Variants in PCDHGA10 observed in about 807,000 individuals in gnomAD.
PCDHGA10 encodes the protein protocadherin gamma-A10.
PCDHGA10 carries 42 observed loss-of-function variants against 59.5 expected under a neutral mutation model. The observed-to-expected ratio is 0.71, with a 90% CI of 0.55 to 0.91. The LOEUF is 0.91. PCDHGA10 is among the 40% of genes least tolerant of loss of function. The pLI, the probability that PCDHGA10 is intolerant of heterozygous loss-of-function variation, is 0.00. For missense variants in PCDHGA10, 1,111 were observed against 1,198.2 expected, an observed-to-expected ratio of 0.93 and a Z score of 1.07; for synonymous variants, 511 against 517.2, an observed-to-expected ratio of 0.99 and a Z score of 0.16.
intron 3 of PCDHGA10, 124 bp from the exon 4 acceptor site, chr5:141,510,823 C>A: frequency 6.4e-7 from 1 of 1,562,432 alleles, no homozygotes. Context: ...CCTATATTCC[C>A]AGTGCTCAGC....
rs753872678 is a variant in PCDHGA10, at chr5:141,431,407, C to G, written c.2436+15796C>G. 4 of 1,613,716 alleles carry G rather than the reference C, an allele frequency of 2.5e-6. No individual in the cohort carries two copies. Among genetic ancestry groups the G allele is most frequent in the Non-Finnish European group, 3.4e-6 (4 of 1,180,048 alleles). The stretch of plus-strand genomic sequence containing the variant: ...ACCACCTGGTCCTTACGGCCTCCGA[C>G]GGGGGCGACCCGGTGCGCACAGGCA... On this transcript the variant is annotated intron_variant, in intron 1 of 3. Coordinates refer to ENST00000398610, the MANE Select transcript of PCDHGA10 (RefSeq NM_018913.3). This position sits in a 1 kb window ranked among gnomAD's most constrained non-coding sequence, Gnocchi z 4.8.
In PCDHGA10 at chr5:141,505,471, G is replaced by A. The variant is rs766596231; in HGVS notation, c.2574G>A (p.Ala858=). The A allele has an allele frequency of 3.4e-5, 55 of 1,614,244 alleles. No individual in the cohort carries two copies. The highest frequency in any genetic ancestry group is 1.1e-4 in the East Asian group (5 of 44,880). ...AGATGCTGCAAGCCATGATCTTGGCGTCCGCCAGTGGTAAGTGGTGTCAGT... is the reference window on the plus strand; with the variant it reads ...AGATGCTGCAAGCCATGATCTTGGCATCCGCCAGTGGTAAGTGGTGTCAGT... ...DTEMLQAMIL[A]SASEAADGSS... Residue 858 remains alanine (A), a synonymous_variant, in exon 3 of 4, where the codon GCG becomes GCA. Coordinates refer to ENST00000398610, the MANE Select transcript of PCDHGA10 (RefSeq NM_018913.3).
intron 1 of PCDHGA10, among the ~76,000 whole-genome samples, chr5:141,457,224 A>G (rs1176186371): frequency 6.6e-6 from 1 of 152,158 alleles, no homozygotes; most frequent in African/African-American, 2.4e-5. Flanking sequence ...GTGGTAGGTA[A>G]TTTCCATCTA....
At chr5:141,421,271 T>G in intron 1 of PCDHGA10, 1 of 1,612,330 alleles carries the variant, frequency 6.2e-7, no homozygotes, top group Non-Finnish European at 8.5e-7. Context: ...CGGCTGCTGC[T>G]GCTGCTGTGC....
At chr5:141,421,828 C>T in intron 1 of PCDHGA10, 1 of 1,613,796 alleles carries the variant, frequency 6.2e-7, no homozygotes, top group Non-Finnish European at 8.5e-7. Context: ...GGAGGGAAGC[C>T]TGGACCGAGA....
intron 1 of PCDHGA10, among the ~76,000 whole-genome samples, chr5:141,450,750 G>C (rs778218781): frequency 1.1e-4 from 16 of 152,002 alleles, no homozygotes; most frequent in Admixed American, 2.0e-4. Context: ...GCCTCCCAAA[G>C]TGCCGGGATT....
At chr5:141,481,879 A>G (rs1204365605) in intron 1 of PCDHGA10, among the ~76,000 whole-genome samples, 1 of 144,890 alleles carries the variant, frequency 6.9e-6, no homozygotes, top group Non-Finnish European at 1.5e-5. Context: ...GCGCCACTGC[A>G]CTCCAGCCTG....
At chr5:141,470,508 G>A (rs947583701) in intron 1 of PCDHGA10, among the ~76,000 whole-genome samples, 10 of 152,176 alleles carry the variant, frequency 6.6e-5, no homozygotes, top group African/African-American at 2.4e-4. Flanking sequence ...TAATTAGACA[G>A]TTAGCTAATA....
chr5:141,502,578 T>C (rs2099815145), intron 2 of PCDHGA10, among the ~76,000 whole-genome samples: 1 of 152,198 alleles, frequency 6.6e-6, no homozygotes, highest in African/African-American at 2.4e-5. Context: ...TATAAAAATA[T>C]ATTTTTATAA....
At chr5:141,500,930 G>A (rs1300719832) in intron 2 of PCDHGA10, among the ~76,000 whole-genome samples, 4 of 151,824 alleles carry the variant, frequency 2.6e-5, no homozygotes, top group Admixed American at 6.6e-5. Context: ...GTGCAGTGGC[G>A]CCATCTCGGC....
chr5:141,485,247 G>T lies in PCDHGA10; in HGVS notation c.2437-9560G>T. On this transcript the variant is annotated intron_variant, in intron 1 of 3. Coordinates refer to ENST00000398610, the MANE Select transcript of PCDHGA10 (RefSeq NM_018913.3). The surrounding 1 kb of genome is among the most constrained non-coding windows in gnomAD (Gnocchi z 5.7). ...CTTTTGTTCCTCTTTTACCACCTGG[G>T]TTACGTTTGTGGGCAGATCCGCTAC... The T allele has an allele frequency of 2.5e-6, 4 of 1,614,156 alleles. No individual in the cohort carries two copies. The highest frequency in any genetic ancestry group is 3.4e-6 in the Non-Finnish European group (4 of 1,180,010).
chr5:141,457,632 G>T (rs919693977), intron 1 of PCDHGA10, among the ~76,000 whole-genome samples: 1 of 152,142 alleles, frequency 6.6e-6, no homozygotes, highest in Non-Finnish European at 1.5e-5. Context: ...CTTATACTTG[G>T]CCTGATTATT....
intron 2 of PCDHGA10, among the ~76,000 whole-genome samples, chr5:141,502,905 A>T (rs1364939091): frequency 1.5e-5 from 2 of 131,814 alleles, no homozygotes; most frequent in Non-Finnish European, 3.0e-5. Flanking sequence ...CTCTGTTGCC[A>T]GGCTGGAGTG....
In PCDHGA10 at chr5:141,414,973, A is replaced by G. The variant is rs533056439; in HGVS notation, c.1798A>G (p.Arg600Gly). 1.9e-5 allele frequency: 30 copies of G among 1,613,870 alleles called. No homozygotes were observed. The African/African-American group carries it at 3.7e-4, about 20-fold the overall frequency. Reference sequence around the variant, plus strand: ...GGTGACCAAGGTGGTGGCGGTGGACAGAGACTCCGGCCAGAACGCCTGGCT... The same window carrying G: ...GGTGACCAAGGTGGTGGCGGTGGACGGAGACTCCGGCCAGAACGCCTGGCT... ...YLVTKVVAVD[R>G]DSGQNAWLSY... The change falls in exon 1 of 4, where the codon AGA becomes GGA. Residue 600 changes from arginine to glycine, a missense_variant. By Grantham distance (125) the Arg-to-Gly change is moderately radical (BLOSUM62 -2). Transcript: ENST00000398610.
chr5:141,448,496 G>A (rs1277705943), intron 1 of PCDHGA10, among the ~76,000 whole-genome samples: 1 of 152,024 alleles, frequency 6.6e-6, no homozygotes, highest in Non-Finnish European at 1.5e-5. Flanking sequence ...GTCCCCTGTA[G>A]GTAAACATTT....
At chr5:141,447,696 G>A (rs1273958794) in intron 1 of PCDHGA10, among the ~76,000 whole-genome samples, 1 of 152,096 alleles carries the variant, frequency 6.6e-6, no homozygotes, top group Non-Finnish European at 1.5e-5. Context: ...TAGAGGGATG[G>A]GTTATAAGGA....
chr5:141,476,180 C>T lies in PCDHGA10; in HGVS notation c.2437-18627C>T. The T allele has an allele frequency of 1.2e-6, 2 of 1,613,664 alleles. No individual in the cohort carries two copies. Among genetic ancestry groups the T allele is most frequent in the East Asian group, 4.5e-5 (2 of 44,838 alleles). On this transcript the variant is annotated intron_variant, in intron 1 of 3. Transcript: ENST00000398610. The surrounding 1 kb of genome is among the most constrained non-coding windows in gnomAD (Gnocchi z 7.6). ...CGGGAGGGTAGTGGGAGTTTTGCTT[C>T]TGCTTGGTGCCTTGAACAAGGCTTC...
In PCDHGA10 at chr5:141,432,598, G is replaced by A; in HGVS notation, c.2436+16987G>A. The A allele has an allele frequency of 6.2e-7, 1 of 1,613,920 alleles. No individual in the cohort carries two copies. The highest frequency in any genetic ancestry group is 8.5e-7 in the Non-Finnish European group (1 of 1,179,972). On this transcript the variant is annotated intron_variant, in intron 1 of 3. Transcript: ENST00000398610. The surrounding 1 kb of genome is among the most constrained non-coding windows in gnomAD (Gnocchi z 6.0). ...CCTACCGTCTGCTCAAGGCCAGCGA[G>A]CCGGGACTCTTCTCGGTGGGTCTGC...
chr5:141,430,865 C>A, intron 1 of PCDHGA10: 2 of 1,595,350 alleles, frequency 1.3e-6, no homozygotes, highest in Non-Finnish European at 1.7e-6. Flanking sequence ...CTATTCAGTT[C>A]CGGAAGAGCT....
Sources: allele counts gnomAD v4.1 joint callset (sites outside exome capture counted in the v4.1 genomes callset), GRCh38; gene constraint gnomAD v4.1.1; non-coding constraint Gnocchi (gnomAD v3.1); transcripts MANE v1.5; gene names NCBI Gene and HGNC (gene_info 2026-07-23, HGNC 2026-07-21).